UBE3D: variants seen among roughly 807,000 people sequenced by gnomAD.
UBE3D encodes E3 ubiquitin-protein ligase E3D.
UBE3D carries 48 observed loss-of-function variants against 49.6 expected under a neutral mutation model. That is an observed-to-expected ratio of 0.97 (90% CI 0.77 to 1.23). UBE3D has a LOEUF of 1.23. Ranked by LOEUF, UBE3D falls within the 50% of genes most tolerant of loss-of-function variation. The pLI, the probability that UBE3D is intolerant of heterozygous loss-of-function variation, is 0.00. For synonymous variants in UBE3D, 189 were observed against 174.2 expected (o/e 1.08, Z -0.67); for missense variants, 452 against 468.4 (o/e 0.96, Z 0.32).
At chr6:82,991,909 T>C (rs551118057) in intron 8 of UBE3D, among the ~76,000 whole-genome samples, 15 of 152,234 alleles carry the variant, frequency 9.9e-5, no homozygotes, top group Admixed American at 3.3e-4. Flanking sequence ...AATAAGGTCA[T>C]AGAGAATTAA....
rs544291149 is a variant in UBE3D, at chr6:83,012,189, C to A, written c.1010+6784G>T. ...ATGGTGGATAAGGCATTCCGTGAGTCCACGGATGGGAGTCTTGCAGAAGCA... is the reference window on the plus strand; with the variant it reads ...ATGGTGGATAAGGCATTCCGTGAGTACACGGATGGGAGTCTTGCAGAAGCA... On this transcript the variant is annotated intron_variant, in intron 8 of 9. Transcript: ENST00000369747. Among the ~76,000 whole-genome samples, 3 of 152,264 alleles carry A rather than the reference C, an allele frequency of 2.0e-5. No homozygotes were observed. The South Asian group carries it at 6.2e-4, about 32-fold the overall frequency.
chr6:82,914,192 T>C (rs1439981905), intron 9 of UBE3D, among the ~76,000 whole-genome samples: 2 of 152,206 alleles, frequency 1.3e-5, no homozygotes, highest in Non-Finnish European at 2.9e-5. Context: ...TTTTTGTTTA[T>C]TTTTATTTTG....
At chr6:83,060,385 G>A (rs1784099132) in intron 1 of UBE3D, among the ~76,000 whole-genome samples, 1 of 152,234 alleles carries the variant, frequency 6.6e-6, no homozygotes, top group Non-Finnish European at 1.5e-5. Flanking sequence ...TAGACCCTAT[G>A]GTGGTGGGGC....
chr6:82,934,217 A>G (rs1193763444), intron 9 of UBE3D, among the ~76,000 whole-genome samples: 1 of 152,138 alleles, frequency 6.6e-6, no homozygotes, highest in Non-Finnish European at 1.5e-5. Context: ...TTCCACCATG[A>G]TTATAAATTT....
intron 9 of UBE3D, among the ~76,000 whole-genome samples, chr6:82,900,916 C>A (rs967828716): frequency 6.6e-6 from 1 of 152,126 alleles, no homozygotes; most frequent in Non-Finnish European, 1.5e-5. Flanking sequence ...TCAACAAGTT[C>A]TTTATTGCAA....
intron 9 of UBE3D, among the ~76,000 whole-genome samples, chr6:82,950,212 T>A (rs189080009): frequency 3.3e-3 from 501 of 152,170 alleles, no homozygotes; most frequent in Non-Finnish European, 4.9e-3. Context: ...AAGATATGAG[T>A]AGATATTTCT....
At chr6:82,998,614 A>G (rs751776211) in intron 8 of UBE3D, among the ~76,000 whole-genome samples, 1 of 152,170 alleles carries the variant, frequency 6.6e-6, no homozygotes, top group Non-Finnish European at 1.5e-5. Context: ...TTTTAAGGGG[A>G]TCATTTCCCA....
intron 9 of UBE3D, among the ~76,000 whole-genome samples, chr6:82,899,669 A>G (rs1329170582): frequency 6.6e-6 from 1 of 152,202 alleles, no homozygotes; most frequent in Non-Finnish European, 1.5e-5. Context: ...CCACTATAGC[A>G]GTTACTGGAT....
chr6:82,886,353 A>G, the UBE3D span, among the ~76,000 whole-genome samples: 47,691 of 151,932 alleles, frequency 0.31, 10,094 homozygotes, highest in African/African-American at 0.6. Flanking sequence ...CTCATATGCA[A>G]TTCAGAACAA....
chr6:82,917,266 G>T (rs886665742), intron 9 of UBE3D, among the ~76,000 whole-genome samples: 8 of 152,136 alleles, frequency 5.3e-5, no homozygotes, highest in African/African-American at 1.9e-4. Context: ...TAGCGCAAAT[G>T]TTAGGACAGG....
intron 9 of UBE3D, chr6:82,938,307 T>A (rs1413364789): frequency 6.6e-6 from 1 of 152,236 alleles, no homozygotes; most frequent in East Asian, 1.9e-4. Flanking sequence ...AGATCTTGAG[T>A]GTCTGACATC....
At chr6:82,998,440 G>A (rs1026987486) in intron 8 of UBE3D, among the ~76,000 whole-genome samples, 8 of 152,046 alleles carry the variant, frequency 5.3e-5, no homozygotes, top group East Asian at 1.9e-4. Context: ...TAAAGATTAC[G>A]CACCTTTTTC....
At chr6:82,912,897 T>C (rs995629715) in intron 9 of UBE3D, among the ~76,000 whole-genome samples, 1 of 152,170 alleles carries the variant, frequency 6.6e-6, no homozygotes, top group African/African-American at 2.4e-5. Flanking sequence ...TTCTCTACTC[T>C]AGGCATGCCA....
intron 4 of UBE3D, among the ~76,000 whole-genome samples, chr6:83,043,015 T>C (rs1156617237): frequency 6.6e-6 from 1 of 152,234 alleles, no homozygotes; most frequent in East Asian, 1.9e-4. Context: ...CTTGTCTTGA[T>C]AGTACAGAAT....
chr6:82,919,178 A>G (rs1773138003), intron 9 of UBE3D, among the ~76,000 whole-genome samples: 1 of 152,120 alleles, frequency 6.6e-6, no homozygotes, highest in Non-Finnish European at 1.5e-5. Context: ...CACAGCTTCC[A>G]GAGGCAAGGG....
intron 1 of UBE3D, among the ~76,000 whole-genome samples, chr6:83,065,123 T>G (rs183223572): frequency 6.6e-6 from 1 of 152,348 alleles, no homozygotes; most frequent in Admixed American, 6.5e-5. Flanking sequence ...CCTGTCTTAG[T>G]GGTTCACTAA....
chr6:82,923,545 A>T (rs1342665857), intron 9 of UBE3D, among the ~76,000 whole-genome samples: 1 of 150,806 alleles, frequency 6.6e-6, no homozygotes, highest in Non-Finnish European at 1.5e-5. Context: ...AACATCACAC[A>T]CCAGAGCCTG....
chr6:83,001,264 A>C (rs1779615569), intron 8 of UBE3D, among the ~76,000 whole-genome samples: 1 of 152,014 alleles, frequency 6.6e-6, no homozygotes, highest in East Asian at 1.9e-4. Context: ...ACATTTACTT[A>C]TTTTTCCTGC....
chr6:82,934,657 T>C (rs1175839132), intron 9 of UBE3D, among the ~76,000 whole-genome samples: 2 of 151,638 alleles, frequency 1.3e-5, no homozygotes, highest in African/African-American at 2.4e-5. Flanking sequence ...GACATCTAAT[T>C]TAGCCACAAA....
Sources: allele counts gnomAD v4.1 joint callset (sites outside exome capture counted in the v4.1 genomes callset), GRCh38; gene constraint gnomAD v4.1.1; transcripts MANE v1.5; gene names NCBI Gene and HGNC (gene_info 2026-07-23, HGNC 2026-07-21).